The following GUCA1C variants were observed in gnomAD, a reference collection of about 807,000 sequenced individuals.
The protein encoded by GUCA1C is guanylate cyclase activator 1C.
Under a neutral mutation model 16.2 loss-of-function variants are expected in GUCA1C, and 15 were observed. The ratio of observed to expected loss-of-function variants is 0.93; its 90% CI spans 0.62 to 1.43. The LOEUF (loss-of-function observed/expected upper bound fraction) is 1.43. Ranked by LOEUF, GUCA1C falls within the 40% of genes most tolerant of loss-of-function variation. GUCA1C has a pLI of 0.00. For synonymous variants in GUCA1C, 78 were observed against 85.4 expected, an observed-to-expected ratio of 0.91 and a Z score of 0.48; for missense variants, 275 against 244.8, an observed-to-expected ratio of 1.12 and a Z score of -0.82.
chr3:108,951,732 A>C (rs1946898360), intron 1 of GUCA1C, among the ~76,000 whole-genome samples: 1 of 152,166 alleles, frequency 6.6e-6, no homozygotes, highest in Admixed American at 6.5e-5. Flanking sequence ...AGCAAACATA[A>C]AATCTCTTTG....
At chr3:108,949,289 G>C (rs573231417) in intron 1 of GUCA1C, among the ~76,000 whole-genome samples, 1 of 152,322 alleles carries the variant, frequency 6.6e-6, no homozygotes, top group East Asian at 1.9e-4. Context: ...AACAGGGAGG[G>C]AGTCTGTAAC....
chr3:108,920,014 T>C (rs35103091), intron 2 of GUCA1C, among the ~76,000 whole-genome samples: 3,184 of 152,234 alleles, frequency 0.021, 52 homozygotes, highest in Middle Eastern at 0.095. Context: ...GAACCAACTA[T>C]TAGAAATACT....
In GUCA1C at chr3:108,933,814, G is replaced by C. The variant is rs559020763; in HGVS notation, c.205-13229C>G. Reference sequence around the variant, plus strand: ...TAAAACAGAGCTACAATTTGACCCAGCAATCCCATTACTGGGTATATACCC... The same window carrying C: ...TAAAACAGAGCTACAATTTGACCCACCAATCCCATTACTGGGTATATACCC... On this transcript the variant is annotated intron_variant, in intron 1 of 3. Coordinates refer to ENST00000261047, the MANE Select transcript of GUCA1C (RefSeq NM_005459.4). Among the ~76,000 whole-genome samples the C allele has an allele frequency of 4.6e-5, 7 of 152,202 alleles. No individual in the cohort carries two copies. In the South Asian group the frequency reaches 1.5e-3, roughly 32 times the overall value.
intron 1 of GUCA1C, among the ~76,000 whole-genome samples, chr3:108,938,071 CA>C (rs1458717383): frequency 6.7e-6 from 1 of 150,220 alleles, no homozygotes; most frequent in African/African-American, 2.4e-5. Flanking sequence ...AAAAAAAAAA[CA>C]AAAAACACAG....
At chr3:108,936,753 G>T (rs1160571455) in intron 1 of GUCA1C, among the ~76,000 whole-genome samples, 1 of 152,170 alleles carries the variant, frequency 6.6e-6, no homozygotes, top group African/African-American at 2.4e-5. Context: ...GCTTGGAGAT[G>T]AAGATGCTGC....
chr3:108,929,347 T>G (rs1946647605), intron 1 of GUCA1C, among the ~76,000 whole-genome samples: 1 of 152,194 alleles, frequency 6.6e-6, no homozygotes, highest in African/African-American at 2.4e-5. Flanking sequence ...TGTTTTTGGT[T>G]TTTTGGTTAA....
intron 2 of GUCA1C, among the ~76,000 whole-genome samples, chr3:108,919,047 G>A (rs890944385): frequency 2.6e-5 from 4 of 151,986 alleles, no homozygotes; most frequent in Admixed American, 1.3e-4. Flanking sequence ...CACATTTCCC[G>A]GAATGTTTTC....
At chr3:108,926,126 T>C (rs1270848848) in intron 1 of GUCA1C, among the ~76,000 whole-genome samples, 1 of 152,056 alleles carries the variant, frequency 6.6e-6, no homozygotes, top group Non-Finnish European at 1.5e-5. Flanking sequence ...TAGGTGAATA[T>C]ATATTTAGAA....
intron 1 of GUCA1C, among the ~76,000 whole-genome samples, chr3:108,945,262 T>C (rs1169165795): frequency 6.6e-6 from 1 of 152,254 alleles, no homozygotes; most frequent in African/African-American, 2.4e-5. Flanking sequence ...GTTATATCTG[T>C]GCTGGCCCGC....
At chr3:108,922,435 T>C (rs532099455) in intron 1 of GUCA1C, among the ~76,000 whole-genome samples, 2 of 152,332 alleles carry the variant, frequency 1.3e-5, no homozygotes, top group East Asian at 3.9e-4. Context: ...ATAGTAGTTG[T>C]ACTAGTTTAC....
Position 108,942,167 on chromosome 3 carries a change from G to A in GUCA1C, c.204+11392C>T, listed in dbSNP as rs995678701. 1.1e-4 allele frequency among the ~76,000 whole-genome samples: 17 copies of A among 152,312 alleles called. 1 individual carries two copies. In the South Asian group the frequency reaches 3.5e-3, roughly 32 times the overall value. ...TGTGTAAATGCGGATGAGAAAAATA[G>A]TATCTACTCTATAATATTGTTGTAA... is the stretch of plus-strand genomic sequence containing the variant. On this transcript the variant is annotated intron_variant, in intron 1 of 3. Transcript: ENST00000261047.
intron 2 of GUCA1C, 40 bp from the exon 3 acceptor site, chr3:108,916,254 G>A (rs1190654492): frequency 6.3e-7 from 1 of 1,593,710 alleles, no homozygotes; most frequent in East Asian, 2.2e-5. Flanking sequence ...AACTTTTCTG[G>A]AAGCAAATAC....
chr3:108,953,851 G>T lies in GUCA1C; in HGVS notation c.-89C>A. The T allele has an allele frequency of 1.2e-6, 1 of 818,988 alleles. No homozygotes were observed. Among genetic ancestry groups the T allele is most frequent in the Non-Finnish European group, 2.1e-6 (1 of 476,818 alleles). 50.7% of individuals were successfully genotyped at this position (818,988 alleles called of 1,614,324 possible). On this transcript the variant is annotated 5_prime_UTR_variant, in exon 1 of 4. Transcript: ENST00000261047. ...CCCTTACTCCTCACTAAAACTGAAG[G>T]CTAACATATGCCCTCAGAAAGCTAC... is the stretch of plus-strand genomic sequence containing the variant.
chr3:108,913,509 ATG>A (rs1946477483), intron 3 of GUCA1C, among the ~76,000 whole-genome samples: 1 of 152,092 alleles, frequency 6.6e-6, no homozygotes, highest in East Asian at 1.9e-4. Context: ...TCAACCTTTT[ATG>A]TCTTCATCAC....
At chr3:108,913,739 G>C (rs1946480446) in intron 3 of GUCA1C, among the ~76,000 whole-genome samples, 1 of 152,120 alleles carries the variant, frequency 6.6e-6, no homozygotes. Flanking sequence ...AGTGTATATA[G>C]ATGTGGATGT....
intron 1 of GUCA1C, among the ~76,000 whole-genome samples, chr3:108,937,900 G>A (rs558042491): frequency 2.0e-5 from 3 of 152,180 alleles, no homozygotes; most frequent in East Asian, 1.9e-4. Flanking sequence ...GTGAAACCCC[G>A]TCTCTACTAA....
At chr3:108,927,770 C>T (rs1333252580) in intron 1 of GUCA1C, among the ~76,000 whole-genome samples, 2 of 152,120 alleles carry the variant, frequency 1.3e-5, no homozygotes, top group African/African-American at 4.8e-5. Context: ...TGCTGGTGAG[C>T]TGGTATGATC....
At chr3:108,910,762 G>A (rs550600806) in intron 3 of GUCA1C, among the ~76,000 whole-genome samples, 67 of 151,512 alleles carry the variant, frequency 4.4e-4, no homozygotes, top group African/African-American at 1.5e-3. Flanking sequence ...TCATTCTCCT[G>A]TCTCAGCCTC....
At chr3:108,934,920 T>C (rs564175436) in intron 1 of GUCA1C, among the ~76,000 whole-genome samples, 2 of 145,674 alleles carry the variant, frequency 1.4e-5, no homozygotes, top group Admixed American at 1.4e-4. Context: ...TTCACGCCAT[T>C]CTCCTGCCTC....
Sources: allele counts gnomAD v4.1 joint callset (sites outside exome capture counted in the v4.1 genomes callset), GRCh38; gene constraint gnomAD v4.1.1; transcripts MANE v1.5; gene names NCBI Gene and HGNC (gene_info 2026-07-23, HGNC 2026-07-21).